Variants in POLR3B observed in about 807,000 individuals in gnomAD.
POLR3B encodes RNA polymerase III subunit B.
POLR3B carries 96 observed loss-of-function variants against 147.4 expected under a neutral mutation model. That is an observed-to-expected ratio of 0.65 (90% CI 0.55 to 0.77). The LOEUF (loss-of-function observed/expected upper bound fraction) is 0.77, where lower values mean the gene tolerates loss of function less well. Among genes scored for constraint, POLR3B ranks in the 30% least tolerant of loss-of-function variants. The probability of loss-of-function intolerance (pLI) is 0.00; values close to 1 mark genes in which losing one functional copy is unlikely to be tolerated. For missense variants in POLR3B, 1,036 were observed against 1,413.5 expected (o/e 0.73, Z 4.28); for synonymous variants, 461 against 485.9 (o/e 0.95, Z 0.67).
intron 19 of POLR3B, among the ~76,000 whole-genome samples, chr12:106,445,934 G>C (rs1377724795): frequency 1.3e-5 from 2 of 152,168 alleles, no homozygotes; most frequent in African/African-American, 2.4e-5. Context: ...ATTGCCCTCT[G>C]GTTAGCTACA....
chr12:106,411,179 C>T (rs750741917), intron 12 of POLR3B, among the ~76,000 whole-genome samples: 1 of 151,952 alleles, frequency 6.6e-6, no homozygotes, highest in Non-Finnish European at 1.5e-5. Context: ...GCTCTGGTTG[C>T]CCAGGCTGGA....
At chr12:106,426,855 C>G (rs973151290) in intron 12 of POLR3B, among the ~76,000 whole-genome samples, 2 of 68,728 alleles carry the variant, frequency 2.9e-5, no homozygotes, top group Non-Finnish European at 6.6e-5. Flanking sequence ...CCCCCCCCCC[C>G]CGTCCTTTTT....
intron 9 of POLR3B, among the ~76,000 whole-genome samples, chr12:106,385,445 A>T (rs541504846): frequency 6.6e-6 from 1 of 152,370 alleles, no homozygotes; most frequent in African/African-American, 2.4e-5. Flanking sequence ...TTCAATAGTT[A>T]TGATAGTGGA....
intron 14 of POLR3B, among the ~76,000 whole-genome samples, 166 bp from the exon 15 acceptor site, chr12:106,432,152 G>GAT (rs144237158): frequency 1.3e-5 from 2 of 152,044 alleles, no homozygotes; most frequent in Admixed American, 1.3e-4. Flanking sequence ...TGAGTTAAGG[G>GAT]ATATATATAT....
At chr12:106,426,543 C>G (rs537628723) in intron 12 of POLR3B, among the ~76,000 whole-genome samples, 1 of 152,092 alleles carries the variant, frequency 6.6e-6, no homozygotes, top group South Asian at 2.1e-4. Flanking sequence ...TCTTGAACTC[C>G]TGACCTCGTG....
intron 25 of POLR3B, among the ~76,000 whole-genome samples, chr12:106,498,582 G>GTTTTTT (rs564316643): frequency 4.1e-5 from 6 of 147,714 alleles, no homozygotes; most frequent in Non-Finnish European, 1.5e-5. Context: ...TTTGGGGTTT[G>GTTTTTT]TTTTTTTTGT....
At chr12:106,458,199 G>A (rs1036538248) in intron 21 of POLR3B, among the ~76,000 whole-genome samples, 1 of 152,106 alleles carries the variant, frequency 6.6e-6, no homozygotes, top group African/African-American at 2.4e-5. Flanking sequence ...TCAGCTCACT[G>A]CAACCTCTGC....
intron 10 of POLR3B, among the ~76,000 whole-genome samples, chr12:106,405,579 C>CACACACACAG (rs893279246): frequency 1.4e-5 from 2 of 145,120 alleles, no homozygotes; most frequent in African/African-American, 2.6e-5. Context: ...CACACACACA[C>CACACACACAG]AAATATATTT....
chr12:106,494,554 G>A (rs1465109934), intron 23 of POLR3B, among the ~76,000 whole-genome samples: 4 of 152,060 alleles, frequency 2.6e-5, no homozygotes, highest in South Asian at 2.1e-4. Context: ...TGTTGTTGTC[G>A]GTGCACCTAG....
chr12:106,368,024 C>G (rs2036556040), intron 4 of POLR3B, among the ~76,000 whole-genome samples: 2 of 152,092 alleles, frequency 1.3e-5, no homozygotes, highest in African/African-American at 4.8e-5. Flanking sequence ...AATTTGGACT[C>G]ATGGATGTTT....
intron 19 of POLR3B, among the ~76,000 whole-genome samples, chr12:106,451,570 C>A (rs1380128691): frequency 7.6e-6 from 1 of 131,026 alleles, no homozygotes; most frequent in African/African-American, 3.0e-5. Flanking sequence ...TGCAGTGAGT[C>A]GAGATTGTAA....
chr12:106,490,674 G>C (rs1259962152), intron 23 of POLR3B, among the ~76,000 whole-genome samples: 1 of 152,194 alleles, frequency 6.6e-6, no homozygotes, highest in African/African-American at 2.4e-5. Flanking sequence ...AAAATAAAAG[G>C]AGGTTAATTC....
At chr12:106,449,151 C>A (rs2037764723) in intron 19 of POLR3B, among the ~76,000 whole-genome samples, 1 of 152,002 alleles carries the variant, frequency 6.6e-6, no homozygotes, top group African/African-American at 2.4e-5. Flanking sequence ...ACACGAAATC[C>A]GTTTAAGTTT....
In POLR3B at chr12:106,492,774, A is replaced by G. The variant is rs141606220; in HGVS notation, c.2714-3281A>G. ...CGGCAGTCAGATTTAGACTCCCTCA[A>G]TTCTTCCCCTTTACAACTAGAAATT... On this transcript the variant is annotated intron_variant, in intron 23 of 27. Coordinates refer to ENST00000228347, the MANE Select transcript of POLR3B (RefSeq NM_018082.6). Among the ~76,000 whole-genome samples the G allele has an allele frequency of 7.2e-3, 1,096 of 152,280 alleles. 14 individuals are homozygous for G. Among genetic ancestry groups the G allele is most frequent in the African/African-American group, 0.025 (1,053 of 41,552 alleles).
intron 20 of POLR3B, among the ~76,000 whole-genome samples, 192 bp from the exon 21 acceptor site, chr12:106,456,946 G>C (rs1230196512): frequency 6.6e-6 from 1 of 152,196 alleles, no homozygotes; most frequent in East Asian, 1.9e-4. Flanking sequence ...TAGGGGACAA[G>C]TCCTGTGCTG....
At chr12:106,411,578 T>C (rs1169223281) in intron 12 of POLR3B, among the ~76,000 whole-genome samples, 1 of 152,242 alleles carries the variant, frequency 6.6e-6, no homozygotes, top group Non-Finnish European at 1.5e-5. Flanking sequence ...ACACCTATTA[T>C]GTTCTAGGCA....
At chr12:106,389,237 T>G (rs1420964095) in intron 9 of POLR3B, among the ~76,000 whole-genome samples, 1 of 152,238 alleles carries the variant, frequency 6.6e-6, no homozygotes, top group Non-Finnish European at 1.5e-5. Flanking sequence ...GCAGCTGGTG[T>G]GCTTTGATGA....
chr12:106,467,934 C>T (rs1332054407), intron 23 of POLR3B, among the ~76,000 whole-genome samples: 1 of 152,088 alleles, frequency 6.6e-6, no homozygotes, highest in East Asian at 1.9e-4. Flanking sequence ...TGTATCTCTG[C>T]CAGATTTGGT....
intron 6 of POLR3B, among the ~76,000 whole-genome samples, chr12:106,370,132 T>C (rs2036584167): frequency 6.6e-6 from 1 of 152,202 alleles, no homozygotes; most frequent in Non-Finnish European, 1.5e-5. Flanking sequence ...CCTTCCTGAT[T>C]AGGGAAATAT....
Sources: gnomAD v4.1 joint callset for allele counts (sites outside exome capture counted in the v4.1 genomes callset) on GRCh38, gnomAD v4.1.1 for gene constraint, MANE v1.5 for transcripts, NCBI Gene and HGNC (gene_info 2026-07-23, HGNC 2026-07-21) for gene names.